Variants in OXR1 observed in about 807,000 individuals in gnomAD.
The protein encoded by OXR1 is oxidation resistance protein 1.
Under a neutral mutation model 104.6 loss-of-function variants are expected in OXR1, and 41 were observed. That is an observed-to-expected ratio of 0.39 (90% CI 0.31 to 0.51). The LOEUF is 0.51. Ranked by LOEUF, OXR1 falls within the 20% of genes least tolerant of loss-of-function variation. The probability of loss-of-function intolerance (pLI) is 0.77; values close to 1 mark genes in which losing one functional copy is unlikely to be tolerated. For synonymous variants in OXR1, 348 were observed against 348.4 expected, an observed-to-expected ratio of 1.00 and a Z score of 0.01; for missense variants, 955 against 1,031.9, an observed-to-expected ratio of 0.93 and a Z score of 1.02.
rs563120753 is a variant in OXR1, at chr8:106,494,522, C to G, written c.24-24421C>G. ...AGGTGTCTGTAAGTCCTAACCCTCCCCAACTCCCATCAGTATCCTGACTTA... is the reference window on the plus strand; with the variant it reads ...AGGTGTCTGTAAGTCCTAACCCTCCGCAACTCCCATCAGTATCCTGACTTA... On this transcript the variant is annotated intron_variant, in intron 2 of 16. Coordinates refer to ENST00000517566, the MANE Select transcript of OXR1 (RefSeq NM_001198533.2). 2.6e-5 allele frequency among the ~76,000 whole-genome samples: 4 copies of G among 152,304 alleles called. No individual in the cohort carries two copies. The East Asian group carries it at 7.7e-4, about 29-fold the overall frequency.
chr8:106,450,693 C>G (rs1422814601), intron 2 of OXR1, among the ~76,000 whole-genome samples: 1 of 151,844 alleles, frequency 6.6e-6, no homozygotes, highest in East Asian at 1.9e-4. Flanking sequence ...ACCTAAGTAT[C>G]TCTTGAGCAT....
chr8:106,617,318 G>T (rs1246894902), intron 3 of OXR1, among the ~76,000 whole-genome samples: 2 of 152,158 alleles, frequency 1.3e-5, no homozygotes, highest in Non-Finnish European at 2.9e-5. Flanking sequence ...AGCTCCTCAG[G>T]AGGCTGAGGC....
chr8:106,481,644 A>T (rs1822122633), intron 2 of OXR1, among the ~76,000 whole-genome samples: 1 of 152,044 alleles, frequency 6.6e-6, no homozygotes, highest in Admixed American at 6.6e-5. Context: ...TTAGTTTTTG[A>T]GAAGGAAAAG....
At chr8:106,612,073 T>G (rs1285295469) in intron 3 of OXR1, among the ~76,000 whole-genome samples, 2 of 150,238 alleles carry the variant, frequency 1.3e-5, no homozygotes, top group Admixed American at 6.7e-5. Flanking sequence ...AATCAGTCTC[T>G]ACTCATTTCA....
chr8:106,584,125 A>C (rs112833861), intron 3 of OXR1, among the ~76,000 whole-genome samples: 2 of 112,814 alleles, frequency 1.8e-5, no homozygotes, highest in Non-Finnish European at 3.7e-5. Context: ...TATTCAGGAA[A>C]CAAATTTCTA....
At chr8:106,579,066 GCTC>G (rs1423075420) in intron 3 of OXR1, among the ~76,000 whole-genome samples, 1 of 141,640 alleles carries the variant, frequency 7.1e-6, no homozygotes, top group Non-Finnish European at 1.5e-5. Context: ...TCCTCTCAAA[GCTC>G]CTAAAATTCT....
chr8:106,394,662 T>G (rs914125061), intron 2 of OXR1, among the ~76,000 whole-genome samples: 46 of 152,262 alleles, frequency 3.0e-4, no homozygotes, highest in African/African-American at 1.1e-3. Context: ...TTTTGTCAAC[T>G]TAAAGATGCT....
intron 2 of OXR1, among the ~76,000 whole-genome samples, chr8:106,484,047 G>C (rs865967571): frequency 6.6e-6 from 1 of 151,878 alleles, no homozygotes; most frequent in South Asian, 2.1e-4. Flanking sequence ...CTAATGACAT[G>C]ATCCAAGGAA....
At chr8:106,568,338 A>C (rs541111407) in intron 3 of OXR1, among the ~76,000 whole-genome samples, 2 of 152,276 alleles carry the variant, frequency 1.3e-5, no homozygotes, top group Admixed American at 6.5e-5. Context: ...TCACTTATCA[A>C]GTCCTCAATA....
chr8:106,615,760 T>C (rs1472547798), intron 3 of OXR1, among the ~76,000 whole-genome samples: 1 of 152,192 alleles, frequency 6.6e-6, no homozygotes, highest in Non-Finnish European at 1.5e-5. Flanking sequence ...ATGCTCACCT[T>C]ATAAAGCTGC....
chr8:106,710,894 T>C, intron 10 of OXR1, 104 bp downstream of exon 10: 2 of 770,274 alleles, frequency 2.6e-6, no homozygotes, highest in Non-Finnish European at 3.8e-6. Flanking sequence ...ACATAGTTTA[T>C]GATTAAAAGC....
chr8:106,306,533 T>A (rs1813472135), intron 1 of OXR1, among the ~76,000 whole-genome samples: 1 of 148,498 alleles, frequency 6.7e-6, no homozygotes, highest in African/African-American at 2.4e-5. Flanking sequence ...AAAAAAAAAA[T>A]CCCAAACAAG....
chr8:106,668,010 A>G (rs1374946213), intron 3 of OXR1, among the ~76,000 whole-genome samples: 1 of 151,896 alleles, frequency 6.6e-6, no homozygotes, highest in Non-Finnish European at 1.5e-5. Context: ...TGTTATTACA[A>G]TCTTGTTTCA....
Position 106,469,417 on chromosome 8 carries a change from C to T in OXR1, c.24-49526C>T, listed in dbSNP as rs1821366279. Among the ~76,000 whole-genome samples the T allele has an allele frequency of 2.6e-5, 4 of 151,922 alleles. No homozygotes were observed. In the South Asian group the frequency reaches 8.3e-4, roughly 31 times the overall value. On this transcript the variant is annotated intron_variant, in intron 2 of 16. Coordinates refer to ENST00000517566, the MANE Select transcript of OXR1 (RefSeq NM_001198533.2). The stretch of plus-strand genomic sequence containing the variant: ...TCTGATCCAATTGGTCAGAAATGAG[C>T]TGAGCTAGAATACTTAAATTGGGAT...
intron 3 of OXR1, among the ~76,000 whole-genome samples, chr8:106,555,081 C>T (rs1412026392): frequency 6.6e-6 from 1 of 152,146 alleles, no homozygotes; most frequent in Non-Finnish European, 1.5e-5. Context: ...AATACATTAA[C>T]TATAGTCCTC....
intron 3 of OXR1, among the ~76,000 whole-genome samples, chr8:106,524,557 C>T (rs904055671): frequency 1.3e-5 from 2 of 152,176 alleles, no homozygotes; most frequent in East Asian, 3.9e-4. Flanking sequence ...CACTCAGTGA[C>T]ACACCAAACA....
intron 6 of OXR1, among the ~76,000 whole-genome samples, chr8:106,691,652 A>G (rs1455255651): frequency 6.7e-6 from 1 of 149,308 alleles, no homozygotes; most frequent in Non-Finnish European, 1.5e-5. Context: ...ACACACACAT[A>G]TATTTATATT....
intron 2 of OXR1, among the ~76,000 whole-genome samples, chr8:106,386,140 G>C (rs1432455206): frequency 6.6e-6 from 1 of 152,132 alleles, no homozygotes; most frequent in Non-Finnish European, 1.5e-5. Flanking sequence ...TTCTGTAACT[G>C]TCTACTATCC....
chr8:106,648,029 CTTCTT>C (rs1824230416), intron 3 of OXR1, among the ~76,000 whole-genome samples: 3 of 152,122 alleles, frequency 2.0e-5, no homozygotes, highest in Admixed American at 2.0e-4. Flanking sequence ...TACAGTTCTG[CTTCTT>C]TTATTTCCTA....
Sources: allele counts gnomAD v4.1 joint callset (sites outside exome capture counted in the v4.1 genomes callset), GRCh38; gene constraint gnomAD v4.1.1; transcripts MANE v1.5; gene names NCBI Gene and HGNC (gene_info 2026-07-23, HGNC 2026-07-21).